SLBP: variants seen among roughly 807,000 people sequenced by gnomAD.
The protein encoded by SLBP is stem-loop histone mRNA binding protein.
Under a neutral mutation model 39.2 loss-of-function variants are expected in SLBP, and 29 were observed. The ratio of observed to expected loss-of-function variants is 0.74; its 90% CI spans 0.55 to 1.01. The LOEUF (loss-of-function observed/expected upper bound fraction) is 1.01, where lower values mean the gene tolerates loss of function less well. Among genes scored for constraint, SLBP ranks in the 50% least tolerant of loss-of-function variants. SLBP has a pLI of 0.00. For synonymous variants in SLBP, 129 were observed against 118.7 expected, an observed-to-expected ratio of 1.09 and a Z score of -0.57; for missense variants, 390 against 350.2, an observed-to-expected ratio of 1.11 and a Z score of -0.91.
chr4:1,705,856 CGT>C (rs1309814147), intron 2 of SLBP, among the ~76,000 whole-genome samples: 1 of 152,146 alleles, frequency 6.6e-6, no homozygotes, highest in Non-Finnish European at 1.5e-5. Context: ...CATGGTGGGG[CGT>C]GCCTGTAGTC....
intron 2 of SLBP, 99 bp downstream of exon 2, chr4:1,711,775 C>G (rs1005927853): frequency 1.7e-6 from 1 of 591,296 alleles, no homozygotes; most frequent in Non-Finnish European, 2.5e-6. Flanking sequence ...GGGTGCCGAC[C>G]TGACCGATCC....
chr4:1,699,418 G>A (rs762705070), intron 5 of SLBP, 146 bp downstream of exon 5: 25 of 593,762 alleles, frequency 4.2e-5, no homozygotes, highest in South Asian at 1.1e-4. Context: ...CTTTATTTAC[G>A]TCATAAGCCC....
chr4:1,711,754 A>G (rs1716781778), intron 2 of SLBP, 120 bp downstream of exon 2: 1 of 467,272 alleles, frequency 2.1e-6, no homozygotes, highest in Non-Finnish European at 3.5e-6. Context: ...AGACCAAGAT[A>G]AAAGGACGCA....
At chr4:1,703,220 G>C (rs1166298994) in intron 3 of SLBP, among the ~76,000 whole-genome samples, 2 of 137,914 alleles carry the variant, frequency 1.5e-5, no homozygotes, top group East Asian at 2.1e-4. Context: ...CCGGGCAACA[G>C]AGCGAGACTG....
chr4:1,703,648 T>C lies in SLBP; in HGVS notation c.229A>G (p.Ser77Gly). 2 of 1,614,088 alleles carry C rather than the reference T, an allele frequency of 1.2e-6. No individual in the cohort carries two copies. Among genetic ancestry groups the C allele is most frequent in the South Asian group, 1.1e-5 (1 of 91,086 alleles). Residue 77 changes from serine (S) to glycine (G), a missense_variant, in exon 3 of 8, where the codon AGT becomes GGT. By Grantham distance (56) the Ser-to-Gly change is moderately conservative. Transcript: ENST00000489418. The stretch of plus-strand genomic sequence containing the variant: ...CTCATTTCATCTTCTTCAACTGCAC[T>C]TGCCCAGTCAGAGCATCTGGAACGG... ...KPRSRCSDWA[S>G]AVEEDEMRTR...
At chr4:1,701,596 A>G (rs1716333039) in intron 3 of SLBP, among the ~76,000 whole-genome samples, 2 of 152,210 alleles carry the variant, frequency 1.3e-5, no homozygotes, top group African/African-American at 4.8e-5. Context: ...AGTTTAAATT[A>G]CACAGGTTGC....
At chr4:1,694,918 A>G (rs1413822045) in intron 6 of SLBP, 78 bp from the exon 7 acceptor site, 3 of 952,528 alleles carry the variant, frequency 3.1e-6, no homozygotes, top group Non-Finnish European at 5.2e-6. Context: ...GACAAACCCC[A>G]TCCATATGGT....
In SLBP at chr4:1,712,294, T is replaced by A. The variant is rs1299829554; in HGVS notation, c.-106A>T. ...GCAGGGCCTGAGGCAGAAACCCGCG[T>A]CCCCGCGCCGGCGCTCACGAGCTCT... On this transcript the variant is annotated 5_prime_UTR_variant, in exon 1 of 8. Transcript: ENST00000489418. 7.5e-6 allele frequency: 5 copies of A among 668,828 alleles called. No individual in the cohort carries two copies. The highest frequency in any genetic ancestry group is 8.6e-5 in the Admixed American group (2 of 23,220). 41.4% of individuals were successfully genotyped at this position (668,828 alleles called of 1,614,324 possible). A position where few individuals can be genotyped will look rare whatever the true frequency, so the allele number is the denominator to read the frequency against.
chr4:1,693,285 G>A lies in SLBP; in HGVS notation c.*312C>T. 1 of 239,650 alleles carries A rather than the reference G, an allele frequency of 4.2e-6. No homozygotes were observed. Among genetic ancestry groups the A allele is most frequent in the Non-Finnish European group, 8.2e-6 (1 of 121,418 alleles). The allele number at this position is 239,650 out of a possible 1,614,324, so 14.8% of individuals were successfully genotyped here. On this transcript the variant is annotated 3_prime_UTR_variant, in exon 8 of 8. Coordinates refer to ENST00000489418, the MANE Select transcript of SLBP (RefSeq NM_006527.4). Reference sequence around the variant, plus strand: ...ACAAGCAATAACTGAAGATGCCTGTGGAAAACCAGTTATGTAGACGTGTCA... The same window carrying A: ...ACAAGCAATAACTGAAGATGCCTGTAGAAAACCAGTTATGTAGACGTGTCA...
intron 7 of SLBP, 33 bp from the exon 8 acceptor site, chr4:1,693,746 C>G (rs1472251325): frequency 7.0e-7 from 1 of 1,418,576 alleles, no homozygotes; most frequent in East Asian, 2.3e-5. Flanking sequence ...GGTTGACATT[C>G]ATCTCACCCT....
chr4:1,704,472 G>A (rs975991892), intron 2 of SLBP, among the ~76,000 whole-genome samples: 5 of 152,264 alleles, frequency 3.3e-5, no homozygotes, highest in African/African-American at 1.2e-4. Flanking sequence ...CATTACCAAT[G>A]TCAATGTTGA....
At chr4:1,698,405 G>T (rs1716200737) in intron 5 of SLBP, among the ~76,000 whole-genome samples, 1 of 73,866 alleles carries the variant, frequency 1.4e-5, no homozygotes, top group South Asian at 5.5e-4. Flanking sequence ...GACTCGGTCA[G>T]GAGGGAAAAA....
At chr4:1,711,835 G>A (rs1432575117) in intron 2 of SLBP, 39 bp downstream of exon 2, 1 of 1,151,798 alleles carries the variant, frequency 8.7e-7, no homozygotes, top group Non-Finnish European at 1.1e-6. Flanking sequence ...GCCTCGTCAA[G>A]GGCCCCACCG....
intron 7 of SLBP, 74 bp from the exon 8 acceptor site, chr4:1,693,787 CCTT>C (rs1716005583): frequency 1.2e-6 from 1 of 838,040 alleles, no homozygotes; most frequent in Admixed American, 1.8e-5. Flanking sequence ...ACACCCCACT[CCTT>C]ATGTGGTAAA....
intron 5 of SLBP, among the ~76,000 whole-genome samples, chr4:1,697,696 A>T (rs948224735): frequency 1.3e-5 from 2 of 151,070 alleles, no homozygotes; most frequent in African/African-American, 4.9e-5. Flanking sequence ...CAAAAAAATT[A>T]GCCCAGGCAT....
At chr4:1,700,240 C>G (rs941321825) in intron 3 of SLBP, 170 bp from the exon 4 acceptor site, 8 of 466,826 alleles carry the variant, frequency 1.7e-5, no homozygotes, top group African/African-American at 1.6e-4. Flanking sequence ...GAGATCCACA[C>G]AACAAAAATT....
At chr4:1,705,421 C>G (rs1716480606) in intron 2 of SLBP, among the ~76,000 whole-genome samples, 1 of 152,144 alleles carries the variant, frequency 6.6e-6, no homozygotes, top group Non-Finnish European at 1.5e-5. Context: ...CTTATCCAGC[C>G]CACCCCAGGA....
chr4:1,711,882 T>G lies in SLBP; in HGVS notation c.168A>C (p.Arg56Ser). Residue 56 changes from arginine (R) to serine (S), a missense_variant, in exon 2 of 8, where the codon AGA (arginine) becomes AGC (serine). Transcript: ENST00000489418. ...EEAEHRGAER[R>S]PESFTTPEGP... ...CCGGGTCCCGCGCCCACCTCTCGGG[T>G]CTGCGCTCGGCGCCGCGGTGCTCTG... is the stretch of plus-strand genomic sequence containing the variant. 1.5e-6 allele frequency: 2 copies of G among 1,352,018 alleles called. No homozygotes were observed. The highest frequency in any genetic ancestry group is 1.9e-6 in the Non-Finnish European group (2 of 1,051,442). 83.8% of individuals were successfully genotyped at this position (1,352,018 alleles called of 1,614,324 possible).
At chr4:1,697,895 T>C (rs750594919) in intron 5 of SLBP, among the ~76,000 whole-genome samples, 6 of 152,010 alleles carry the variant, frequency 3.9e-5, no homozygotes, top group Non-Finnish European at 2.9e-5. Context: ...TCACAGTACT[T>C]TGGGAGGACT....
Sources: allele counts gnomAD v4.1 joint callset (sites outside exome capture counted in the v4.1 genomes callset), GRCh38; gene constraint gnomAD v4.1.1; transcripts MANE v1.5; gene names NCBI Gene and HGNC (gene_info 2026-07-23, HGNC 2026-07-21).